Variants in MCF2L2 observed in about 807,000 individuals in gnomAD.
MCF2L2 encodes MCF.2 cell line derived transforming sequence-like 2.
Under a neutral mutation model 150.2 loss-of-function variants are expected in MCF2L2, and 102 were observed. The observed-to-expected ratio is 0.68, with a 90% CI of 0.58 to 0.80. The LOEUF (loss-of-function observed/expected upper bound fraction) is 0.80. Ranked by LOEUF, MCF2L2 falls within the 30% of genes least tolerant of loss-of-function variation. The probability of loss-of-function intolerance (pLI) is 0.00; values close to 1 mark genes in which losing one functional copy is unlikely to be tolerated. For synonymous variants in MCF2L2, 465 were observed against 491.3 expected (o/e 0.95, Z 0.71); for missense variants, 1,256 against 1,372.8 (o/e 0.91, Z 1.34).
intron 8 of MCF2L2, among the ~76,000 whole-genome samples, chr3:183,311,314 C>T (rs887830793): frequency 6.6e-6 from 1 of 151,980 alleles, no homozygotes; most frequent in African/African-American, 2.4e-5. Context: ...TGCCTTCTTT[C>T]TTTCTACCTG....
chr3:183,241,230 T>C (rs1048690255), intron 15 of MCF2L2, among the ~76,000 whole-genome samples: 1 of 152,218 alleles, frequency 6.6e-6, no homozygotes, highest in Non-Finnish European at 1.5e-5. Flanking sequence ...ATAAAAAGTT[T>C]TTTAAAAAGT....
At chr3:183,279,974 C>A (rs1052050946) in intron 14 of MCF2L2, among the ~76,000 whole-genome samples, 1 of 151,946 alleles carries the variant, frequency 6.6e-6, no homozygotes, top group African/African-American at 2.4e-5. Context: ...GTTGAGTGAA[C>A]CAAGATTGTG....
chr3:183,207,900 A>G, intron 22 of MCF2L2, 77 bp from the exon 23 acceptor site: 1 of 1,051,108 alleles, frequency 9.5e-7, no homozygotes, highest in Non-Finnish European at 1.4e-6. Context: ...GCCTGTTTTC[A>G]AATTTTATAA....
intron 14 of MCF2L2, among the ~76,000 whole-genome samples, chr3:183,284,098 G>T (rs1577022904): frequency 1.3e-5 from 2 of 152,104 alleles, no homozygotes; most frequent in Admixed American, 1.3e-4. Flanking sequence ...GTACCCAGTT[G>T]AACACACCAA....
chr3:183,336,467 T>C (rs1577071954), intron 5 of MCF2L2, among the ~76,000 whole-genome samples: 1 of 152,300 alleles, frequency 6.6e-6, no homozygotes, highest in East Asian at 1.9e-4. Flanking sequence ...TTTTTTATTT[T>C]TCAATGGACT....
chr3:183,260,793 C>T (rs547422226), intron 15 of MCF2L2, among the ~76,000 whole-genome samples: 1 of 152,302 alleles, frequency 6.6e-6, no homozygotes, highest in Admixed American at 6.5e-5. Context: ...CCAGCTTTCC[C>T]CTCTATCCCA....
chr3:183,295,416 T>C lies in MCF2L2; in HGVS notation c.1559A>G (p.Gln520Arg). Residue 520 changes from glutamine (Q) to arginine (R), a missense_variant, in exon 13 of 30, where the codon CAA (glutamine) becomes CGA (arginine). Physicochemically the swap from Gln to Arg is conservative, Grantham distance 43. Transcript: ENST00000328913. ...GGCTGCCAGTTTCATCAGACTCACT[T>C]GCCTCTTGTGAAATATTTCCTGGAC... Reference protein sequence around the residue: ...DDVQEIFHKRQVSLMKLAAKQ... With the variant: ...DDVQEIFHKRRVSLMKLAAKQ... The C allele has an allele frequency of 6.2e-7, 1 of 1,614,134 alleles. No homozygotes were observed. The highest frequency in any genetic ancestry group is 1.6e-4 in the Middle Eastern group (1 of 6,062).
chr3:183,207,679 A>T lies in MCF2L2; in HGVS notation c.2641T>A (p.Phe881Ile). The change falls in exon 23 of 30, where the codon TTC becomes ATC. Residue 881 changes from phenylalanine (F) to isoleucine (I), a missense_variant. Physicochemically the swap from Phe to Ile is conservative, Grantham distance 21 (BLOSUM62 0). Coordinates refer to ENST00000328913, the MANE Select transcript of MCF2L2 (RefSeq NM_015078.4). ...QIYLFERGIVFCKIRMEPGDQ... is the reference protein window; with the variant it reads ...QIYLFERGIVICKIRMEPGDQ... The stretch of plus-strand genomic sequence containing the variant: ...CCAGGCTCCATTCGTATCTTACAGA[A>T]CACTATTCCCCTTTCAAATAGGTAG... 1 of 1,614,200 alleles carries T rather than the reference A, an allele frequency of 6.2e-7. No individual in the cohort carries two copies. The highest frequency in any genetic ancestry group is 1.3e-5 in the African/African-American group (1 of 75,048).
At chr3:183,408,932 G>T (rs1715180751) in intron 1 of MCF2L2, among the ~76,000 whole-genome samples, 1 of 152,206 alleles carries the variant, frequency 6.6e-6, no homozygotes, top group Non-Finnish European at 1.5e-5. Context: ...GTGCATAGTG[G>T]TGCTGCCACC....
intron 1 of MCF2L2, among the ~76,000 whole-genome samples, chr3:183,420,318 C>G (rs926649665): frequency 4.6e-5 from 7 of 152,102 alleles, no homozygotes; most frequent in African/African-American, 1.7e-4. Context: ...AAGATACAAC[C>G]TGGCCAGGTG....
Position 183,262,489 on chromosome 3 carries a change from T to C in MCF2L2, c.1862+14383A>G, listed in dbSNP as rs547715483. Among the ~76,000 whole-genome samples, 172 of 152,284 alleles carry C rather than the reference T, an allele frequency of 1.1e-3. 1 individual carries two copies. The Middle Eastern group carries it at 0.02, about 18-fold the overall frequency. On this transcript the variant is annotated intron_variant, in intron 15 of 29. Coordinates refer to ENST00000328913, the MANE Select transcript of MCF2L2 (RefSeq NM_015078.4). ...TTAAAAATATTGCATCAAAATATTA[T>C]ACTGACTACGGAGTTTTTGGTACCC...
chr3:183,361,030 GA>G, intron 3 of MCF2L2, among the ~76,000 whole-genome samples: 1 of 140,274 alleles, frequency 7.1e-6, no homozygotes, highest in South Asian at 2.2e-4. Flanking sequence ...AAAGAGAAAA[GA>G]AAAGGAAGAA....
At chr3:183,203,846 C>T (rs1722380528) in intron 25 of MCF2L2, among the ~76,000 whole-genome samples, 1 of 152,046 alleles carries the variant, frequency 6.6e-6, no homozygotes, top group South Asian at 2.1e-4. Flanking sequence ...GCAGCAAGCA[C>T]ATAGAAGGAC....
intron 22 of MCF2L2, among the ~76,000 whole-genome samples, chr3:183,211,359 C>T (rs548928914): frequency 6.6e-6 from 1 of 152,262 alleles, no homozygotes. Flanking sequence ...GGAAGTGACT[C>T]GGGGGGAGTC....
chr3:183,238,995 C>CA (rs60736939), intron 15 of MCF2L2, among the ~76,000 whole-genome samples: 5,406 of 87,522 alleles, frequency 0.062, 292 homozygotes, highest in African/African-American at 0.074. Context: ...ATATCCGTCT[C>CA]AAAAAAAAAA....
intron 1 of MCF2L2, among the ~76,000 whole-genome samples, chr3:183,401,175 C>T (rs557760185): frequency 1.3e-5 from 2 of 152,162 alleles, no homozygotes; most frequent in Non-Finnish European, 2.9e-5. Context: ...TTCAAACTGC[C>T]GTGCAGAGAG....
chr3:183,192,486 G>A (rs1721931985), intron 27 of MCF2L2, among the ~76,000 whole-genome samples: 1 of 152,168 alleles, frequency 6.6e-6, no homozygotes, highest in African/African-American at 2.4e-5. Flanking sequence ...CACAAACACT[G>A]TGATCCTAAC....
intron 1 of MCF2L2, among the ~76,000 whole-genome samples, chr3:183,392,957 AT>A (rs905343620): frequency 6.6e-6 from 1 of 152,224 alleles, no homozygotes; most frequent in African/African-American, 2.4e-5. Flanking sequence ...ACAGGCTTGC[AT>A]GCAAAGGCCC....
At position 183,371,018 on chromosome 3, in the gene MCF2L2, C is replaced by A. The variant is rs56723743; in HGVS notation, c.275+8279G>T. ...ACTCTGGATGTACATCCTGATGAGT[C>A]AGATGAATGAATTCATCTCCCTGAC... On this transcript the variant is annotated intron_variant, in intron 3 of 29. Transcript: ENST00000328913. 6.9e-3 allele frequency among the ~76,000 whole-genome samples: 1,047 copies of A among 152,294 alleles called. 14 individuals are homozygous for A. The highest frequency in any genetic ancestry group is 0.024 in the African/African-American group (979 of 41,568).
Sources: gnomAD v4.1 joint callset for allele counts (sites outside exome capture counted in the v4.1 genomes callset) on GRCh38, gnomAD v4.1.1 for gene constraint, MANE v1.5 for transcripts, NCBI Gene and HGNC (gene_info 2026-07-23, HGNC 2026-07-21) for gene names.